Variants in ADAM12 observed in about 807,000 individuals in gnomAD.
The protein encoded by ADAM12 is ADAM metallopeptidase domain 12.
A neutral mutation model predicts 106.4 loss-of-function variants in ADAM12; 70 were observed. The observed-to-expected ratio is 0.66, with a 90% CI of 0.54 to 0.80. The LOEUF (loss-of-function observed/expected upper bound fraction) is 0.80. ADAM12 is among the 30% of genes least tolerant of loss of function. The pLI is 0.00. For missense variants in ADAM12, 1,010 were observed against 1,171.9 expected (o/e 0.86, Z 2.02); for synonymous variants, 420 against 433.5 (o/e 0.97, Z 0.39).
At chr10:126,227,371 T>C (rs1455720372) in intron 3 of ADAM12, among the ~76,000 whole-genome samples, 1 of 152,190 alleles carries the variant, frequency 6.6e-6, no homozygotes, top group African/African-American at 2.4e-5. Context: ...ATCTTCACTA[T>C]TGCCACCATC....
intron 1 of ADAM12, among the ~76,000 whole-genome samples, chr10:126,366,512 G>A (rs1202378506): frequency 6.6e-6 from 1 of 151,704 alleles, no homozygotes; most frequent in African/African-American, 2.4e-5. Flanking sequence ...GAAAAGAAGG[G>A]AAAAAAGCAA....
intron 3 of ADAM12, among the ~76,000 whole-genome samples, chr10:126,266,394 A>G (rs1446411192): frequency 6.6e-6 from 1 of 152,210 alleles, no homozygotes; most frequent in East Asian, 1.9e-4. Flanking sequence ...TGAGGAAAGC[A>G]GGAATAGGGG....
At chr10:126,122,994 T>G (rs992117241) in intron 5 of ADAM12, among the ~76,000 whole-genome samples, 15 of 152,254 alleles carry the variant, frequency 9.9e-5, no homozygotes, top group Admixed American at 3.3e-4. Flanking sequence ...CAATTGTTAC[T>G]TAGTCGTAAA....
rs147909471 is a variant in ADAM12, at chr10:126,362,739, G to A, written c.88+25319C>T. On this transcript the variant is annotated intron_variant, in intron 1 of 22. Transcript: ENST00000448723. ...TTTATATGTGGAATCTAAAACAATC[G>A]AGCTCATACAAAGAGTAGAATGGTG... 7.6e-3 allele frequency among the ~76,000 whole-genome samples: 1,161 copies of A among 152,182 alleles called. 5 individuals are homozygous for A. Among genetic ancestry groups the A allele is most frequent in the Non-Finnish European group, 0.012 (836 of 67,986 alleles).
intron 2 of ADAM12, among the ~76,000 whole-genome samples, chr10:126,318,505 C>T (rs950423025): frequency 1.4e-5 from 2 of 144,310 alleles, no homozygotes; most frequent in Non-Finnish European, 3.0e-5. Flanking sequence ...GAGCCACACT[C>T]TCTCACACAC....
chr10:126,165,044 G>A (rs939472871), intron 3 of ADAM12, among the ~76,000 whole-genome samples: 3 of 152,266 alleles, frequency 2.0e-5, no homozygotes, highest in Admixed American at 1.3e-4. Context: ...CATGGTCTGG[G>A]TTCTCATCTT....
chr10:126,271,491 A>G (rs1959175638), intron 3 of ADAM12, among the ~76,000 whole-genome samples: 1 of 152,202 alleles, frequency 6.6e-6, no homozygotes, highest in Admixed American at 6.5e-5. Flanking sequence ...TAAAAGACTG[A>G]ATTTTGGTGG....
At chr10:126,220,157 T>C (rs1958063351) in intron 3 of ADAM12, among the ~76,000 whole-genome samples, 2 of 152,188 alleles carry the variant, frequency 1.3e-5, no homozygotes, top group African/African-American at 4.8e-5. Flanking sequence ...CAGAGACATG[T>C]GTGTCTGTGC....
chr10:126,041,592 T>C (rs1954171707), intron 18 of ADAM12: 2 of 986,176 alleles, frequency 2.0e-6, no homozygotes, highest in Non-Finnish European at 2.4e-6. Flanking sequence ...TCAGTTTGCT[T>C]GGATGGAGAT....
At chr10:126,159,144 C>A (rs1956887146) in intron 3 of ADAM12, among the ~76,000 whole-genome samples, 1 of 151,834 alleles carries the variant, frequency 6.6e-6, no homozygotes, top group Non-Finnish European at 1.5e-5. Flanking sequence ...CCCGTCTCTA[C>A]TAAAAATACA....
chr10:126,229,951 G>A (rs1471683873), intron 3 of ADAM12, among the ~76,000 whole-genome samples: 1 of 152,156 alleles, frequency 6.6e-6, no homozygotes, highest in Non-Finnish European at 1.5e-5. Context: ...AACGAGTTGT[G>A]CTTCTCCAGC....
At chr10:126,295,714 C>G (rs950986721) in intron 2 of ADAM12, among the ~76,000 whole-genome samples, 20 of 152,084 alleles carry the variant, frequency 1.3e-4, no homozygotes, top group African/African-American at 4.8e-4. Context: ...CCATGAAAAC[C>G]ATGCACACTC....
At chr10:126,041,788 T>G in intron 18 of ADAM12, 3 of 1,116,972 alleles carry the variant, frequency 2.7e-6, no homozygotes, top group Non-Finnish European at 3.3e-6. Context: ...CCCACTGCTG[T>G]GGAGGCTCAG....
chr10:126,291,946 TG>T (rs1407990884), intron 2 of ADAM12, among the ~76,000 whole-genome samples: 3 of 150,834 alleles, frequency 2.0e-5, no homozygotes, highest in Admixed American at 6.6e-5. Context: ...ATCCTCAATC[TG>T]TACACTTTGC....
chr10:126,222,811 A>G (rs1410959841), intron 3 of ADAM12, among the ~76,000 whole-genome samples: 1 of 152,194 alleles, frequency 6.6e-6, no homozygotes, highest in Non-Finnish European at 1.5e-5. Flanking sequence ...GATAAAAAGC[A>G]TCTAGTCTTC....
In ADAM12 at chr10:126,014,776, A is replaced by T. The variant is rs1234832489; in HGVS notation, c.*2503T>A. 6.6e-6 allele frequency: 1 copy of T among 152,150 alleles called. No homozygotes were observed. Among genetic ancestry groups the T allele is most frequent in the Non-Finnish European group, 1.5e-5 (1 of 68,038 alleles). The allele number at this position is 152,150 out of a possible 1,614,324, so 9.4% of individuals were successfully genotyped here. ...TTGTGTCTAGTCACATTGACTTTCCAGGTGATGGCCCTACAAAACTCAAAC... is the reference window on the plus strand; with the variant it reads ...TTGTGTCTAGTCACATTGACTTTCCTGGTGATGGCCCTACAAAACTCAAAC... On this transcript the variant is annotated 3_prime_UTR_variant, in exon 23 of 23. Transcript: ENST00000448723.
chr10:126,140,284 A>T (rs1231020363), intron 4 of ADAM12, among the ~76,000 whole-genome samples: 1 of 152,198 alleles, frequency 6.6e-6, no homozygotes, highest in Non-Finnish European at 1.5e-5. Flanking sequence ...TTAATTACTG[A>T]CCTCTGAAAT....
chr10:126,041,440 T>C (rs1954167098), intron 18 of ADAM12: 1 of 985,574 alleles, frequency 1.0e-6, no homozygotes, highest in African/African-American at 1.7e-5. Context: ...ACTTGTTAAA[T>C]GAAGGGTTGG....
At chr10:126,269,845 T>C (rs1959167304) in intron 3 of ADAM12, among the ~76,000 whole-genome samples, 1 of 152,214 alleles carries the variant, frequency 6.6e-6, no homozygotes, top group East Asian at 1.9e-4. Context: ...CGCCACACTC[T>C]CAAATCACAA....
Sources: allele counts gnomAD v4.1 joint callset (sites outside exome capture counted in the v4.1 genomes callset), GRCh38; gene constraint gnomAD v4.1.1; transcripts MANE v1.5; gene names NCBI Gene and HGNC (gene_info 2026-07-23, HGNC 2026-07-21).